The following SEMA4D variants were observed in gnomAD, a reference collection of about 807,000 sequenced individuals.
SEMA4D encodes semaphorin-4D.
SEMA4D carries 22 observed loss-of-function variants against 74.8 expected under a neutral mutation model. The observed-to-expected ratio is 0.29, with a 90% CI of 0.21 to 0.42. SEMA4D has a LOEUF of 0.42. Ranked by LOEUF, SEMA4D falls within the 10% of genes least tolerant of loss-of-function variation. The pLI, the probability that SEMA4D is intolerant of heterozygous loss-of-function variation, is 1.00. For synonymous variants in SEMA4D, 445 were observed against 463.7 expected (o/e 0.96, Z 0.52); for missense variants, 937 against 1,118.4 (o/e 0.84, Z 2.31).
At chr9:89,467,051 G>A (rs115377313) in intron 1 of SEMA4D, among the ~76,000 whole-genome samples, 8,577 of 152,306 alleles carry the variant, frequency 0.056, 391 homozygotes, top group Admixed American at 0.15. Context: ...ACAGCCCCAT[G>A]TGTGAAGTTA....
chr9:89,378,618 A>G lies in SEMA4D; in HGVS notation c.*86T>C. The G allele has an allele frequency of 9.9e-7, 1 of 1,013,226 alleles. No homozygotes were observed. Among genetic ancestry groups the G allele is most frequent in the East Asian group, 2.5e-5 (1 of 40,694 alleles). 62.8% of individuals were successfully genotyped at this position (1,013,226 alleles called of 1,614,324 possible). On this transcript the variant is annotated 3_prime_UTR_variant, in exon 16 of 16. Transcript: ENST00000422704. Reference sequence around the variant, plus strand: ...GCTAACCTACGCAGCACTGCACGAGACTCGGATACTGAACAGGAGAAACAC... The same window carrying G: ...GCTAACCTACGCAGCACTGCACGAGGCTCGGATACTGAACAGGAGAAACAC...
At chr9:89,365,980 C>G (rs952784400) in intron 16 of SEMA4D, among the ~76,000 whole-genome samples, 2 of 152,202 alleles carry the variant, frequency 1.3e-5, no homozygotes, top group Non-Finnish European at 1.5e-5. Flanking sequence ...AATGCTCCTC[C>G]CAAGGACTTG....
chr9:89,449,686 T>TGTCA, intron 2 of SEMA4D: 1 of 1,512,896 alleles, frequency 6.6e-7, no homozygotes, highest in East Asian at 2.3e-5. Flanking sequence ...AGCTCAGGTG[T>TGTCA]GTCAGTACTG....
chr9:89,452,368 C>T (rs937950423), intron 2 of SEMA4D, among the ~76,000 whole-genome samples: 2 of 151,028 alleles, frequency 1.3e-5, no homozygotes, highest in African/African-American at 2.4e-5. Flanking sequence ...TTAGTAGAGA[C>T]GAGGTTTCAC....
intron 1 of SEMA4D, among the ~76,000 whole-genome samples, chr9:89,476,996 C>T (rs1043919956): frequency 1.3e-4 from 20 of 152,240 alleles, no homozygotes; most frequent in African/African-American, 4.1e-4. Context: ...TCAAATTCTC[C>T]CCAGGCCATT....
chr9:89,417,418 T>C lies in SEMA4D; in HGVS notation c.-243-11719A>G, dbSNP rs143759655. 2.4e-3 allele frequency among the ~76,000 whole-genome samples: 359 copies of C among 152,280 alleles called. 3 individuals are homozygous for C. Among genetic ancestry groups the C allele is most frequent in the African/African-American group, 8.2e-3 (341 of 41,558 alleles). On this transcript the variant is annotated intron_variant, in intron 2 of 15. Transcript: ENST00000422704. ...ATCACGGTCCCATGCATAGGAACCA[T>C]GAAGGTCTAAGCTGGCAGCAGGACT...
At chr9:89,409,283 G>C (rs1345499025) in intron 2 of SEMA4D, among the ~76,000 whole-genome samples, 1 of 152,140 alleles carries the variant, frequency 6.6e-6, no homozygotes, top group Non-Finnish European at 1.5e-5. Context: ...GAGAGAGAGG[G>C]TTTTTAGGGC....
chr9:89,487,424 T>C (rs985556358), intron 1 of SEMA4D, among the ~76,000 whole-genome samples: 1 of 152,006 alleles, frequency 6.6e-6, no homozygotes, highest in Admixed American at 6.6e-5. Flanking sequence ...ACATCATACT[T>C]AACAACAACA....
chr9:89,371,219 T>A (rs971596727), intron 16 of SEMA4D, among the ~76,000 whole-genome samples: 1 of 51,894 alleles, frequency 1.9e-5, no homozygotes, highest in Non-Finnish European at 3.8e-5. Flanking sequence ...GTGTGTGGGG[T>A]GTGGTGTGTG....
chr9:89,490,587 A>G (rs1404486180), intron 1 of SEMA4D, among the ~76,000 whole-genome samples: 2 of 152,192 alleles, frequency 1.3e-5, no homozygotes, highest in African/African-American at 4.8e-5. Flanking sequence ...AGGCTAATAT[A>G]AGTGTTCTGT....
At position 89,453,921 on chromosome 9, in the gene SEMA4D, G is replaced by A. The variant is rs564390294; in HGVS notation, c.-244+1967C>T. 1.9e-4 allele frequency among the ~76,000 whole-genome samples: 28 copies of A among 147,614 alleles called. No homozygotes were observed. The East Asian group carries it at 5.0e-3, about 26-fold the overall frequency. On this transcript the variant is annotated intron_variant, in intron 2 of 15. Coordinates refer to ENST00000422704, the MANE Select transcript of SEMA4D (RefSeq NM_001371194.2). ...CGCCCAGGCTGGAGTGCAGTGGCGC[G>A]ATCTTGGCTCACTGCAAGCTCAGCC...
intron 2 of SEMA4D, chr9:89,418,086 T>C: frequency 5.1e-6 from 5 of 985,200 alleles, no homozygotes; most frequent in Non-Finnish European, 6.0e-6. Flanking sequence ...AACTTTCCAG[T>C]CATTTCTAGA....
rs1375256583 is a variant in SEMA4D, at chr9:89,484,075, G to A, written c.-310+13844C>T. ...AGAGGGCGGGCCCCACTGAGGCTGC[G>A]CACAAGCTGGCAGGCACAGAAGGGC... On this transcript the variant is annotated intron_variant, in intron 1 of 15. Coordinates refer to ENST00000422704, the MANE Select transcript of SEMA4D (RefSeq NM_001371194.2). This position sits in a 1 kb window ranked among gnomAD's most constrained non-coding sequence, Gnocchi z 4.1. Among the ~76,000 whole-genome samples the A allele has an allele frequency of 2.0e-5, 3 of 152,362 alleles. No homozygotes were observed. Among genetic ancestry groups the A allele is most frequent in the Non-Finnish European group, 2.9e-5 (2 of 68,032 alleles).
At chr9:89,486,815 G>A (rs542057460) in intron 1 of SEMA4D, among the ~76,000 whole-genome samples, 1 of 152,302 alleles carries the variant, frequency 6.6e-6, no homozygotes, top group African/African-American at 2.4e-5. Flanking sequence ...GCTGAGGCAG[G>A]AAGATCACTT....
intron 4 of SEMA4D, among the ~76,000 whole-genome samples, chr9:89,402,654 G>A (rs1455179935): frequency 1.4e-5 from 2 of 148,082 alleles, no homozygotes; most frequent in Non-Finnish European, 3.0e-5. Context: ...TCATAGGTAT[G>A]TTTGAGATTT....
chr9:89,400,031 A>AAAAAG, intron 4 of SEMA4D, among the ~76,000 whole-genome samples: 1 of 145,852 alleles, frequency 6.9e-6, no homozygotes, highest in South Asian at 2.2e-4. Flanking sequence ...AAAAAAAAAA[A>AAAAAG]AGTGACTCTA....
intron 1 of SEMA4D, among the ~76,000 whole-genome samples, chr9:89,480,098 G>A (rs1195090102): frequency 6.6e-6 from 1 of 152,122 alleles, no homozygotes; most frequent in Non-Finnish European, 1.5e-5. Flanking sequence ...CACCAGAGCA[G>A]CTAGATACAG....
chr9:89,402,363 GATTCA>G (rs1842392425), intron 4 of SEMA4D, among the ~76,000 whole-genome samples: 2 of 152,144 alleles, frequency 1.3e-5, no homozygotes, highest in Admixed American at 1.3e-4. Context: ...GTTGCAACCT[GATTCA>G]AACTAAACGT....
rs182828584 is a variant in SEMA4D at position 89,417,823 on chromosome 9, C to G, written c.-243-12124G>C. ...AGAGAGCAGGGAAGAATAGGGGGAG[C>G]TGGGACAAGCAGTGGCAGAGCAAGA... On this transcript the variant is annotated intron_variant, in intron 2 of 15. Coordinates refer to ENST00000422704, the MANE Select transcript of SEMA4D (RefSeq NM_001371194.2). Among the ~76,000 whole-genome samples, 22 of 152,306 alleles carry G rather than the reference C, an allele frequency of 1.4e-4. No homozygotes were observed. In the East Asian group the frequency reaches 4.1e-3, roughly 28 times the overall value.
Sources: allele counts gnomAD v4.1 joint callset (sites outside exome capture counted in the v4.1 genomes callset), GRCh38; gene constraint gnomAD v4.1.1; non-coding constraint Gnocchi (gnomAD v3.1); transcripts MANE v1.5; gene names NCBI Gene and HGNC (gene_info 2026-07-23, HGNC 2026-07-21).